The following ACBD3 variants were observed in gnomAD, a reference collection of about 807,000 sequenced individuals.
ACBD3 encodes Golgi resident protein GCP60.
Under a neutral mutation model 66.9 loss-of-function variants are expected in ACBD3, and 30 were observed. That is an observed-to-expected ratio of 0.45 (90% CI 0.34 to 0.61). The LOEUF (loss-of-function observed/expected upper bound fraction) is 0.61. ACBD3 is among the 20% of genes least tolerant of loss of function. The probability of loss-of-function intolerance (pLI) is 0.02; values close to 1 mark genes in which losing one functional copy is unlikely to be tolerated. For synonymous variants in ACBD3, 278 were observed against 259.8 expected (o/e 1.07, Z -0.68); for missense variants, 544 against 664.5 (o/e 0.82, Z 1.99).
At chr1:226,155,433 AAG>A (rs1460625100) in intron 5 of ACBD3, among the ~76,000 whole-genome samples, 1 of 151,820 alleles carries the variant, frequency 6.6e-6, no homozygotes, top group Non-Finnish European at 1.5e-5. Context: ...AAAAAAAAAA[AAG>A]TAGAAATAAT....
At chr1:226,178,055 TA>T (rs1261574567) in intron 1 of ACBD3, among the ~76,000 whole-genome samples, 3 of 151,012 alleles carry the variant, frequency 2.0e-5, no homozygotes, top group African/African-American at 7.3e-5. Flanking sequence ...CCCAAGCCAA[TA>T]AATTTGTGGT....
At chr1:226,162,132 G>A (rs182997538) in intron 3 of ACBD3, among the ~76,000 whole-genome samples, 36 of 152,276 alleles carry the variant, frequency 2.4e-4, no homozygotes, top group Admixed American at 6.5e-4. Context: ...CATCCTCAGG[G>A]CTTAGCACAG....
At chr1:226,182,002 G>A (rs937212237) in intron 1 of ACBD3, among the ~76,000 whole-genome samples, 1 of 152,090 alleles carries the variant, frequency 6.6e-6, no homozygotes, top group South Asian at 2.1e-4. Context: ...AGGCCAAGGC[G>A]GGTGAATCGC....
chr1:226,165,018 G>C, intron 2 of ACBD3, 89 bp from the exon 3 acceptor site: 1 of 1,334,238 alleles, frequency 7.5e-7, no homozygotes, highest in South Asian at 1.8e-5. Context: ...ATTCTCAATT[G>C]TAAGTAAAAT....
At chr1:226,154,156 G>A (rs915961985) in intron 6 of ACBD3, among the ~76,000 whole-genome samples, 21 of 152,080 alleles carry the variant, frequency 1.4e-4, no homozygotes, top group Non-Finnish European at 1.2e-4. Flanking sequence ...CACTGAAGCT[G>A]TACAAGATAG....
intron 1 of ACBD3, among the ~76,000 whole-genome samples, chr1:226,176,360 G>A (rs993636085): frequency 2.0e-5 from 3 of 148,266 alleles, no homozygotes; most frequent in African/African-American, 5.0e-5. Context: ...GGACTGGGAG[G>A]CAGAGGTTGC....
chr1:226,159,578 T>C (rs1659733737), intron 4 of ACBD3, among the ~76,000 whole-genome samples: 1 of 152,192 alleles, frequency 6.6e-6, no homozygotes, highest in African/African-American at 2.4e-5. Flanking sequence ...AAATTCGGGA[T>C]GGAAGATAAG....
At chr1:226,167,240 T>C (rs1362064143) in intron 1 of ACBD3, among the ~76,000 whole-genome samples, 1 of 152,242 alleles carries the variant, frequency 6.6e-6, no homozygotes, top group African/African-American at 2.4e-5. Context: ...TTCAAAAATG[T>C]ATCCATCCCA....
intron 1 of ACBD3, among the ~76,000 whole-genome samples, chr1:226,167,209 T>G (rs185607057): frequency 6.6e-6 from 1 of 152,242 alleles, no homozygotes; most frequent in Non-Finnish European, 1.5e-5. Flanking sequence ...TAGAAGATTA[T>G]GTACACTTTG....
chr1:226,180,188 AAAG>A (rs1331362596), intron 1 of ACBD3, among the ~76,000 whole-genome samples: 1 of 151,902 alleles, frequency 6.6e-6, no homozygotes, highest in Non-Finnish European at 1.5e-5. Flanking sequence ...AAAAAAAAAA[AAAG>A]GATAATACAA....
intron 1 of ACBD3, among the ~76,000 whole-genome samples, chr1:226,181,596 T>C (rs1398442402): frequency 6.6e-6 from 1 of 152,198 alleles, no homozygotes; most frequent in Admixed American, 6.5e-5. Context: ...ATGGGATTAA[T>C]ACCCTTACAG....
intron 5 of ACBD3, among the ~76,000 whole-genome samples, chr1:226,157,425 G>A (rs913797973): frequency 3.9e-5 from 6 of 152,106 alleles, no homozygotes; most frequent in African/African-American, 1.4e-4. Context: ...TTTTAATAGA[G>A]ATGGGGTTTC....
rs1659597981 is a variant in ACBD3 at position 226,152,577 on chromosome 1, G to A, written c.1133C>T (p.Pro378Leu). Residue 378 changes from proline (P) to leucine (L), a missense_variant, in exon 7 of 8, where the codon CCT becomes CTT. By Grantham distance (98) the Pro-to-Leu change is moderately conservative. Around this residue, in one of 3 missense-constraint regions of ACBD3, gnomAD observed 383 missense variants for 462.4 expected, o/e 0.83. Transcript: ENST00000366812. ...VIAAPSMWTRPQIKDFKEKIQ... is the reference protein window; with the variant it reads ...VIAAPSMWTRLQIKDFKEKIQ... ...CTTCTCTTTGAAGTCTTTGATCTGA[G>A]GTCGTGTCCACATGGATGGAGCTGC... is the stretch of plus-strand genomic sequence containing the variant. 1 of 1,614,134 alleles carries A rather than the reference G, an allele frequency of 6.2e-7. No homozygotes were observed. Among genetic ancestry groups the A allele is most frequent in the East Asian group, 2.2e-5 (1 of 44,888 alleles).
intron 1 of ACBD3, among the ~76,000 whole-genome samples, chr1:226,172,830 G>A (rs989409490): frequency 5.9e-5 from 9 of 152,056 alleles, no homozygotes; most frequent in African/African-American, 1.2e-4. Flanking sequence ...TGGGTGCGGC[G>A]GCATGCGCCT....
At chr1:226,149,087 A>G (rs1208490223) in intron 7 of ACBD3, among the ~76,000 whole-genome samples, 1 of 152,154 alleles carries the variant, frequency 6.6e-6, no homozygotes, top group Non-Finnish European at 1.5e-5. Context: ...CCCAACACCA[A>G]TATAACCCCA....
intron 1 of ACBD3, among the ~76,000 whole-genome samples, chr1:226,179,040 A>T (rs1232345186): frequency 6.6e-6 from 1 of 152,216 alleles, no homozygotes; most frequent in Non-Finnish European, 1.5e-5. Context: ...TGAGTTCTCT[A>T]TTCTCTTGGC....
At chr1:226,153,066 C>T (rs1055652103) in intron 6 of ACBD3, among the ~76,000 whole-genome samples, 2 of 152,180 alleles carry the variant, frequency 1.3e-5, no homozygotes, top group African/African-American at 2.4e-5. Flanking sequence ...CTCCAACTAT[C>T]CCAAAGTTCT....
In ACBD3 at chr1:226,176,748, G is replaced by T. The variant is rs910361159; in HGVS notation, c.286+9642C>A. Among the ~76,000 whole-genome samples, 6 of 151,944 alleles carry T rather than the reference G, an allele frequency of 3.9e-5. No individual in the cohort carries two copies. The East Asian group carries it at 5.8e-4, about 15-fold the overall frequency. On this transcript the variant is annotated intron_variant, in intron 1 of 7. Coordinates refer to ENST00000366812, the MANE Select transcript of ACBD3 (RefSeq NM_022735.4). ...TGAATATGAAAAGTAAAATATACAT[G>T]AAGAAAAAAATGCCTCAACTTTTGT...
Position 226,186,534 on chromosome 1 carries a change from C to T in ACBD3, c.142G>A (p.Gly48Ser). Residue 48 changes from glycine (G) to serine (S), a missense_variant, in exon 1 of 8, where the codon GGT becomes AGT. This residue lies in a region of ACBD3 where 137 missense variants were observed against 145.9 expected (regional missense o/e 0.94). Coordinates refer to ENST00000366812, the MANE Select transcript of ACBD3 (RefSeq NM_022735.4). ...PLPPPSPPGSGRGPGASGEQP... is the reference protein window; with the variant it reads ...PLPPPSPPGSSRGPGASGEQP... ...TCCCCTGAGGCGCCCGGGCCGCGACCGGATCCAGGTGGCGAGGGCGGTGGC... is the reference window on the plus strand; with the variant it reads ...TCCCCTGAGGCGCCCGGGCCGCGACTGGATCCAGGTGGCGAGGGCGGTGGC... 1.4e-6 allele frequency: 2 copies of T among 1,384,676 alleles called. No individual in the cohort carries two copies. Among genetic ancestry groups the T allele is most frequent in the Non-Finnish European group, 1.9e-6 (2 of 1,075,428 alleles). 85.8% of individuals were successfully genotyped at this position (1,384,676 alleles called of 1,614,324 possible).
Sources: gnomAD v4.1 joint callset for allele counts (sites outside exome capture counted in the v4.1 genomes callset) on GRCh38, gnomAD v4.1.1 for gene constraint, gnomAD v4.1.1 regional missense constraint, MANE v1.5 for transcripts, NCBI Gene and HGNC (gene_info 2026-07-23, HGNC 2026-07-21) for gene names.